CA13: variants seen among roughly 807,000 people sequenced by gnomAD.
CA13 encodes the protein carbonic anhydrase 13.
In CA13, 21 loss-of-function variants were observed where a neutral mutation model predicts 31.5. The observed-to-expected ratio is 0.67, with a 90% CI of 0.47 to 0.96. The LOEUF is 0.96. Ranked by LOEUF, CA13 falls within the 40% of genes least tolerant of loss-of-function variation. CA13 has a pLI of 0.00. For synonymous variants in CA13, 117 were observed against 111.4 expected, an observed-to-expected ratio of 1.05 and a Z score of -0.32; for missense variants, 315 against 318.9, an observed-to-expected ratio of 0.99 and a Z score of 0.09.
chr8:85,266,731 T>C, intron 4 of CA13, 28 bp downstream of exon 4: 2 of 1,543,892 alleles, frequency 1.3e-6, no homozygotes. Flanking sequence ...TCATTTTAAA[T>C]GATCAGCCTT....
chr8:85,266,334 T>A (rs1437698451), intron 3 of CA13, among the ~76,000 whole-genome samples: 1 of 152,074 alleles, frequency 6.6e-6, no homozygotes, highest in Non-Finnish European at 1.5e-5. Context: ...GGGACTACAG[T>A]CATGTACTAC....
chr8:85,249,943 T>A lies in CA13; in HGVS notation c.38-797T>A, dbSNP rs547777423. On this transcript the variant is annotated intron_variant, in intron 1 of 6. Transcript: ENST00000321764. ...TTGGCTCGTTTCAATTTCCCTAACA[T>A]GTCTGATTTGTGAACTTGATACGAT... The A allele has an allele frequency of 4.7e-5, 15 of 321,744 alleles. No homozygotes were observed. The Admixed American group carries it at 4.9e-4, about 11-fold the overall frequency. 19.9% of individuals were successfully genotyped at this position (321,744 alleles called of 1,614,324 possible). A position where few individuals can be genotyped will look rare whatever the true frequency, so the allele number is the denominator to read the frequency against.
At chr8:85,269,697 C>T (rs1217790412) in intron 6 of CA13, among the ~76,000 whole-genome samples, 1 of 152,150 alleles carries the variant, frequency 6.6e-6, no homozygotes, top group Non-Finnish European at 1.5e-5. Flanking sequence ...TATGGAGCTT[C>T]CCCTGTAGGC....
chr8:85,257,138 G>A (rs920342678), intron 2 of CA13, among the ~76,000 whole-genome samples: 2 of 152,176 alleles, frequency 1.3e-5, no homozygotes, highest in Admixed American at 6.5e-5. Flanking sequence ...AGTGATTCCC[G>A]GTAACTTCAG....
intron 6 of CA13, among the ~76,000 whole-genome samples, chr8:85,279,756 T>C (rs1807670352): frequency 6.6e-6 from 1 of 152,144 alleles, no homozygotes; most frequent in African/African-American, 2.4e-5. Context: ...TGCACAGCCA[T>C]CTGGAATGAC....
At chr8:85,281,123 G>A in intron 6 of CA13, 107 bp from the exon 7 acceptor site, 3 of 1,315,954 alleles carry the variant, frequency 2.3e-6, no homozygotes, top group East Asian at 4.8e-5. Context: ...AATTTTCATT[G>A]CAGTATTTTT....
intron 2 of CA13, among the ~76,000 whole-genome samples, chr8:85,254,065 G>A (rs1458575920): frequency 6.6e-6 from 1 of 152,014 alleles, no homozygotes; most frequent in East Asian, 1.9e-4. Flanking sequence ...GATCACCTGA[G>A]GTCAAGATTT....
At chr8:85,258,250 A>G (rs1807327923) in intron 2 of CA13, among the ~76,000 whole-genome samples, 1 of 151,954 alleles carries the variant, frequency 6.6e-6, no homozygotes, top group Non-Finnish European at 1.5e-5. Context: ...CATGCCCAAT[A>G]AAGATTAATT....
chr8:85,267,164 T>G (rs1807470351), intron 4 of CA13: 1 of 726,230 alleles, frequency 1.4e-6, no homozygotes. Context: ...ATTGTCATCA[T>G]ACCTGGGAAC....
At chr8:85,266,501 A>C (rs1333324591) in intron 3 of CA13, 107 bp from the exon 4 acceptor site, 1 of 743,500 alleles carries the variant, frequency 1.3e-6, no homozygotes, top group Non-Finnish European at 2.3e-6. Context: ...TAAATACATT[A>C]TACATAAGTG....
At position 85,266,712 on chromosome 8, in the gene CA13, C is replaced by A. The variant is rs1353088082; in HGVS notation, c.450+9C>A. 9 of 1,599,922 alleles carry A rather than the reference C, an allele frequency of 5.6e-6. No individual in the cohort carries two copies. Among genetic ancestry groups the A allele is most frequent in the African/African-American group, 1.3e-5 (1 of 74,748 alleles). On this transcript the variant is annotated intron_variant, in intron 4 of 6. Transcript: ENST00000321764. ...TGGGAGTGTTTTTACAGGTGAGAAT[C>A]TACTGTTTTCATTTTAAATGATCAG...
At chr8:85,277,212 T>G (rs1217644592) in intron 6 of CA13, among the ~76,000 whole-genome samples, 3 of 152,184 alleles carry the variant, frequency 2.0e-5, no homozygotes, top group Non-Finnish European at 4.4e-5. Flanking sequence ...ATCTTGCTGC[T>G]GCTCACTCTT....
intron 4 of CA13, chr8:85,267,113 G>T (rs952752450): frequency 5.5e-6 from 2 of 364,716 alleles, no homozygotes; most frequent in African/African-American, 4.4e-5. Flanking sequence ...AAATTTTATT[G>T]TATTTCCTTT....
chr8:85,267,231 C>T, intron 4 of CA13: 1 of 988,684 alleles, frequency 1.0e-6, no homozygotes, highest in Non-Finnish European at 1.2e-6. Context: ...GCCCCTTTGT[C>T]ACACCCCATA....
Position 85,245,585 on chromosome 8 carries a change from C to T in CA13, c.-244C>T. On this transcript the variant is annotated 5_prime_UTR_variant, in exon 1 of 7. Transcript: ENST00000321764. The stretch of plus-strand genomic sequence containing the variant: ...CCCTCTAACTCAAATCTCTCATTCC[C>T]GAGTCCAAACTAAGAGAGACTCGCG... The T allele has an allele frequency of 3.7e-6, 2 of 540,222 alleles. No individual in the cohort carries two copies. The highest frequency in any genetic ancestry group is 6.5e-6 in the Non-Finnish European group (2 of 305,826). The allele number at this position is 540,222 out of a possible 1,614,324, so 33.5% of individuals were successfully genotyped here. A position where few individuals can be genotyped will look rare whatever the true frequency, so the allele number is the denominator to read the frequency against.
In CA13 at chr8:85,245,817, C is replaced by A. The variant is rs1446023826; in HGVS notation, c.-12C>A. 2.5e-6 allele frequency: 4 copies of A among 1,613,974 alleles called. No individual in the cohort carries two copies. In the African/African-American group the frequency reaches 5.3e-5, roughly 22 times the overall value. ...CAGTCACATCTTTCTCTTCCTTCCA[C>A]CCCGAGGGACCATGTCGAGGCTCAG... On this transcript the variant is annotated 5_prime_UTR_variant, in exon 1 of 7. Coordinates refer to ENST00000321764, the MANE Select transcript of CA13 (RefSeq NM_198584.3).
rs1301483373 is a variant in CA13, at chr8:85,281,576, A to G, written c.*227A>G. On this transcript the variant is annotated 3_prime_UTR_variant, in exon 7 of 7. Transcript: ENST00000321764. ...CACCCAGGCTGGAGGGCAGTGGTAC[A>G]GTCTTGGCTAATTGCAGCCTCCAAC... 3 of 1,118,124 alleles carry G rather than the reference A, an allele frequency of 2.7e-6. No individual in the cohort carries two copies. Among genetic ancestry groups the G allele is most frequent in the Non-Finnish European group, 3.4e-6 (3 of 879,846 alleles). 69.3% of individuals were successfully genotyped at this position (1,118,124 alleles called of 1,614,324 possible).
chr8:85,251,011 T>C (rs1468133571), intron 2 of CA13, 74 bp downstream of exon 2: 3 of 1,286,606 alleles, frequency 2.3e-6, no homozygotes, highest in South Asian at 2.7e-5. Context: ...CTTTTTTTTT[T>C]TTTTTTTTTG....
chr8:85,249,821 T>TA (rs1170782610), intron 1 of CA13: 7 of 451,686 alleles, frequency 1.5e-5, no homozygotes, highest in African/African-American at 8.0e-5. Flanking sequence ...ACATGGAACT[T>TA]ACGTGAAACT....
Sources: gnomAD v4.1 joint callset for allele counts (sites outside exome capture counted in the v4.1 genomes callset) on GRCh38, gnomAD v4.1.1 for gene constraint, MANE v1.5 for transcripts, NCBI Gene and HGNC (gene_info 2026-07-23, HGNC 2026-07-21) for gene names.